The following AIRIM variants were observed in gnomAD, a reference collection of about 807,000 sequenced individuals.
AIRIM encodes AFG2 interacting ribosome maturation factor, also known as AFG2-interacting ribosome maturation factor.
At chr1:37,687,080 G>GTT in the AIRIM span, among the ~76,000 whole-genome samples, 144 of 148,924 alleles carry the variant, frequency 9.7e-4, 1 homozygote, top group Middle Eastern at 0.01. Flanking sequence ...GTGTGTGTGT[G>GTT]TGTGTGTGTG....
the AIRIM span, among the ~76,000 whole-genome samples, chr1:37,685,206 G>A: frequency 1.4e-3 from 137 of 95,596 alleles, 10 homozygotes; most frequent in East Asian, 0.054. Flanking sequence ...GGGGGGGGGT[G>A]GGCGGGGGGT....
At chr1:37,686,409 C>T in the AIRIM span, 1 of 1,614,104 alleles carries the variant, frequency 6.2e-7, no homozygotes, top group Non-Finnish European at 8.5e-7. Flanking sequence ...AACACTCGCT[C>T]CACATGGCTG....
chr1:37,687,221 G>C, the AIRIM span, among the ~76,000 whole-genome samples: 2 of 151,748 alleles, frequency 1.3e-5, no homozygotes, highest in Non-Finnish European at 2.9e-5. Flanking sequence ...TCTGGCTCCC[G>C]GGTTCAAGTG....
At chr1:37,685,871 C>G in the AIRIM span, among the ~76,000 whole-genome samples, 1 of 152,094 alleles carries the variant, frequency 6.6e-6, no homozygotes, top group African/African-American at 2.4e-5. Context: ...GTAACTTTCT[C>G]TCCCCAAATA....
chr1:37,686,288 C>T, the AIRIM span: 2 of 1,613,300 alleles, frequency 1.2e-6, no homozygotes, highest in Non-Finnish European at 1.7e-6. Flanking sequence ...TCGATAATGT[C>T]TCTCAATATC....
the AIRIM span, chr1:37,681,667 G>A: frequency 1.4e-3 from 218 of 152,236 alleles, 1 homozygote; most frequent in African/African-American, 5.1e-3. Flanking sequence ...CTGGTAGATG[G>A]ATAACGGTAC....
the AIRIM span, among the ~76,000 whole-genome samples, chr1:37,684,580 T>C: frequency 6.6e-6 from 1 of 152,074 alleles, no homozygotes; most frequent in Non-Finnish European, 1.5e-5. Flanking sequence ...GATCGTGCCA[T>C]TGCACCCCAG....
the AIRIM span, among the ~76,000 whole-genome samples, chr1:37,688,785 G>C: frequency 6.6e-6 from 1 of 152,028 alleles, no homozygotes; most frequent in African/African-American, 2.4e-5. Flanking sequence ...GGGCAACATA[G>C]TGAGACCCTA....
the AIRIM span, chr1:37,683,482 G>T: frequency 1.3e-6 from 2 of 1,583,246 alleles, no homozygotes; most frequent in Non-Finnish European, 1.7e-6. Context: ...GCAGTATGCT[G>T]AAGTGAAAAA....
At chr1:37,683,877 G>T in the AIRIM span, 1 of 164,458 alleles carries the variant, frequency 6.1e-6, no homozygotes, top group Non-Finnish European at 1.3e-5. Flanking sequence ...CAGCATGGAC[G>T]CCACATGGAG....
At chr1:37,689,841 G>A in the AIRIM span, 1 of 1,596,472 alleles carries the variant, frequency 6.3e-7, no homozygotes, top group African/African-American at 1.3e-5. Flanking sequence ...CACTTCTTCA[G>A]CGCCTCCTGC....
At chr1:37,690,499 T>G in the AIRIM span, 1 of 1,205,548 alleles carries the variant, frequency 8.3e-7, no homozygotes, top group Admixed American at 3.5e-5. Flanking sequence ...CTCCAGGGAC[T>G]GCACCACGCG....
At chr1:37,683,481 T>C in the AIRIM span, 8 of 1,584,414 alleles carry the variant, frequency 5.0e-6, no homozygotes, top group East Asian at 2.3e-5. Flanking sequence ...TGCAGTATGC[T>C]GAAGTGAAAA....
At chr1:37,686,899 C>A in the AIRIM span, among the ~76,000 whole-genome samples, 1 of 151,988 alleles carries the variant, frequency 6.6e-6, no homozygotes, top group Non-Finnish European at 1.5e-5. Context: ...CCCGTCTCTA[C>A]TAAATATACA....
chr1:37,688,600 G>A, the AIRIM span, among the ~76,000 whole-genome samples: 41 of 152,174 alleles, frequency 2.7e-4, no homozygotes, highest in South Asian at 7.3e-3. Flanking sequence ...ATCCCACAAG[G>A]TGCCTAATGA....
the AIRIM span, among the ~76,000 whole-genome samples, chr1:37,687,461 T>TAAA: frequency 6.3e-4 from 93 of 146,722 alleles, no homozygotes; most frequent in Middle Eastern, 3.4e-3. Flanking sequence ...TTAAAACATT[T>TAAA]AAAAAAAAAA....
chr1:37,691,960 TATC>T, the AIRIM span: 2 of 152,392 alleles, frequency 1.3e-5, no homozygotes, highest in African/African-American at 2.4e-5. Flanking sequence ...CCTGCTCCTC[TATC>T]ATTCCGTCCC....
At chr1:37,691,773 C>A in the AIRIM span, among the ~76,000 whole-genome samples, 1 of 152,234 alleles carries the variant, frequency 6.6e-6, no homozygotes, top group African/African-American at 2.4e-5. Context: ...AGCTGCCAAG[C>A]GCCACTACTT....
chr1:37,688,965 C>CAAAA, the AIRIM span, among the ~76,000 whole-genome samples: 179 of 106,284 alleles, frequency 1.7e-3, 2 homozygotes, highest in East Asian at 0.013. Context: ...GACCCTGTCT[C>CAAAA]AAAAAAAAAA....
Sources: allele counts gnomAD v4.1 joint callset (sites outside exome capture counted in the v4.1 genomes callset), GRCh38; gene constraint gnomAD v4.1.1; transcripts MANE v1.5; gene names NCBI Gene and HGNC (gene_info 2026-07-23, HGNC 2026-07-21).